The following SERPINA6 variants were observed in gnomAD, a reference collection of about 807,000 sequenced individuals.
The protein encoded by SERPINA6 is serpin family A member 6, also known as corticosteroid-binding globulin.
In SERPINA6, 19 loss-of-function variants were observed where a neutral mutation model predicts 26.4. The observed-to-expected ratio is 0.72, with a 90% CI of 0.50 to 1.06. The LOEUF is 1.06. Among genes scored for constraint, SERPINA6 ranks in the 50% least tolerant of loss-of-function variants. The pLI is 0.00. For synonymous variants in SERPINA6, 196 were observed against 199.4 expected (o/e 0.98, Z 0.14); for missense variants, 473 against 504.0 (o/e 0.94, Z 0.59).
chr14:94,319,356 G>T (rs924598412), intron 1 of SERPINA6, among the ~76,000 whole-genome samples: 4 of 152,156 alleles, frequency 2.6e-5, no homozygotes, highest in Admixed American at 6.5e-5. Context: ...TGCATTGCTG[G>T]TAGGAATATA....
chr14:94,314,043 G>A lies in SERPINA6; in HGVS notation c.606C>T (p.Phe202=), dbSNP rs753537377. The change falls in exon 2 of 5, where the codon TTC becomes TTT. Residue 202 remains phenylalanine, a synonymous_variant. Transcript: ENST00000341584. ...PAILVLVNYI[F]FKGTWTQPFD... is the part of the protein sequence containing the mutation. Reference sequence around the variant, plus strand: ...GGGGATGGGTGGGAATACCTTTGAAGAAGATATAGTTGACCAGGACGAGGA... The same window carrying A: ...GGGGATGGGTGGGAATACCTTTGAAAAAGATATAGTTGACCAGGACGAGGA... The A allele has an allele frequency of 6.2e-7, 1 of 1,614,166 alleles. No homozygotes were observed. The highest frequency in any genetic ancestry group is 2.2e-5 in the East Asian group (1 of 44,870).
Position 94,318,643 on chromosome 14 carries a change from C to T in SERPINA6, c.-19-3976G>A, listed in dbSNP as rs368383496. Among the ~76,000 whole-genome samples, 353 of 152,010 alleles carry T rather than the reference C, an allele frequency of 2.3e-3. 3 individuals are homozygous for T. In the Middle Eastern group the frequency reaches 0.024, roughly 10 times the overall value. ...AAATAATGAAATTGGACCTTTAACA[C>T]CATATACAAAAATTAATTCAAAATA... On this transcript the variant is annotated intron_variant, in intron 1 of 4. Transcript: ENST00000341584.
chr14:94,320,678 C>A (rs1224797982), intron 1 of SERPINA6, among the ~76,000 whole-genome samples: 1 of 152,166 alleles, frequency 6.6e-6, no homozygotes. Context: ...CCTAGAGGCC[C>A]CTTCCCTGGT....
intron 3 of SERPINA6, among the ~76,000 whole-genome samples, chr14:94,307,311 C>T (rs1047700988): frequency 7.2e-5 from 11 of 152,232 alleles, no homozygotes; most frequent in African/African-American, 2.4e-4. Flanking sequence ...GAGAGACCAA[C>T]ACTTAAGAGA....
At chr14:94,314,697 T>G in intron 1 of SERPINA6, 30 bp from the exon 2 acceptor site, 1 of 1,601,496 alleles carries the variant, frequency 6.2e-7, no homozygotes, top group Non-Finnish European at 8.5e-7. Context: ...TGTTAGATGC[T>G]GTGGCAGTCT....
intron 3 of SERPINA6, among the ~76,000 whole-genome samples, chr14:94,307,316 A>C (rs1471959289): frequency 6.6e-6 from 1 of 152,130 alleles, no homozygotes; most frequent in Non-Finnish European, 1.5e-5. Context: ...ACCAACACTT[A>C]AGAGAGGTTG....
At position 94,310,020 on chromosome 14, in the gene SERPINA6, G is replaced by A. The variant is rs1895505473; in HGVS notation, c.614-14C>T. The A allele has an allele frequency of 6.2e-7, 1 of 1,613,762 alleles. No individual in the cohort carries two copies. The highest frequency in any genetic ancestry group is 8.5e-7 in the Non-Finnish European group (1 of 1,179,938). ...GTGTCCATGTGCCTAGGAAGAGGAG[G>A]AGACAGGTCTGTAGGGCAGAGAGGA... On this transcript the variant is annotated splice_polypyrimidine_tract_variant and intron_variant, in intron 2 of 4. Transcript: ENST00000341584.
chr14:94,317,825 C>G (rs1895632830), intron 1 of SERPINA6, among the ~76,000 whole-genome samples: 1 of 152,136 alleles, frequency 6.6e-6, no homozygotes, highest in Non-Finnish European at 1.5e-5. Context: ...CTACTTTTAC[C>G]TAATATAGCA....
At chr14:94,307,176 C>G (rs1033254565) in intron 3 of SERPINA6, among the ~76,000 whole-genome samples, 6 of 152,196 alleles carry the variant, frequency 3.9e-5, no homozygotes, top group African/African-American at 1.4e-4. Context: ...ACCAATTTAT[C>G]CCAAACACCT....
intron 2 of SERPINA6, 95 bp from the exon 3 acceptor site, chr14:94,310,101 C>A: frequency 7.7e-7 from 1 of 1,303,628 alleles, no homozygotes; most frequent in Non-Finnish European, 1.1e-6. Context: ...CAGTGGCCTT[C>A]TGCATGCTTG....
At chr14:94,312,252 T>G (rs528195370) in intron 2 of SERPINA6, among the ~76,000 whole-genome samples, 4 of 152,348 alleles carry the variant, frequency 2.6e-5, no homozygotes, top group African/African-American at 9.6e-5. Context: ...TTAGCCCCAC[T>G]GTGGTCCTGA....
At chr14:94,316,481 G>A (rs746602280) in intron 1 of SERPINA6, among the ~76,000 whole-genome samples, 3 of 152,100 alleles carry the variant, frequency 2.0e-5, no homozygotes, top group African/African-American at 7.2e-5. Flanking sequence ...GCTGTAGAAC[G>A]ATTTCACCCT....
intron 2 of SERPINA6, among the ~76,000 whole-genome samples, chr14:94,310,818 C>G (rs559348379): frequency 1.9e-4 from 29 of 152,316 alleles, no homozygotes; most frequent in African/African-American, 6.7e-4. Context: ...TCTCTCTGCT[C>G]TAGGTGACGT....
chr14:94,308,136 TC>T (rs147130138), intron 3 of SERPINA6, among the ~76,000 whole-genome samples: 1 of 152,334 alleles, frequency 6.6e-6, no homozygotes, highest in African/African-American at 2.4e-5. Context: ...TGGCTGAACT[TC>T]CATTCACACT....
intron 2 of SERPINA6, among the ~76,000 whole-genome samples, chr14:94,313,388 G>T (rs72704358): frequency 0.025 from 3,767 of 152,332 alleles, 83 homozygotes; most frequent in Middle Eastern, 0.044. Flanking sequence ...CACCCAGGTG[G>T]GCCATTATCC....
rs1895582584 is a variant in SERPINA6 at position 94,314,496 on chromosome 14, A to G, written c.153T>C (p.Tyr51=). 1.9e-6 allele frequency: 3 copies of G among 1,614,090 alleles called. No homozygotes were observed. The highest frequency in any genetic ancestry group is 1.1e-5 in the South Asian group (1 of 91,092). The part of the protein sequence containing the change: ...SANVDFAFSL[Y]KHLVALSPKK... ...TGGGACTCAAGGCCACTAGGTGCTT[A>G]TACAGGCTGAAGGCAAAGTCAACGT... Residue 51 remains tyrosine (Y), a synonymous_variant, in exon 2 of 5, where the codon TAT becomes TAC. Transcript: ENST00000341584.
chr14:94,305,427 TG>T (rs898316237), intron 4 of SERPINA6, among the ~76,000 whole-genome samples: 3 of 152,090 alleles, frequency 2.0e-5, no homozygotes, highest in Middle Eastern at 3.2e-3. Flanking sequence ...TCTGAGAAAT[TG>T]GGATAATACC....
At chr14:94,317,786 C>T (rs72704360) in intron 1 of SERPINA6, among the ~76,000 whole-genome samples, 3,857 of 152,234 alleles carry the variant, frequency 0.025, 83 homozygotes, top group Middle Eastern at 0.044. Flanking sequence ...CCCCGAAGAT[C>T]AGGAACAAAA....
At chr14:94,307,543 T>C (rs1272992086) in intron 3 of SERPINA6, among the ~76,000 whole-genome samples, 1 of 152,248 alleles carries the variant, frequency 6.6e-6, no homozygotes, top group African/African-American at 2.4e-5. Flanking sequence ...CTTCCCGTCA[T>C]TTTCAGTGGA....
Sources: allele counts gnomAD v4.1 joint callset (sites outside exome capture counted in the v4.1 genomes callset), GRCh38; gene constraint gnomAD v4.1.1; transcripts MANE v1.5; gene names NCBI Gene and HGNC (gene_info 2026-07-23, HGNC 2026-07-21).